The following NELL1 variants were observed in gnomAD, a reference collection of about 807,000 sequenced individuals.
The protein encoded by NELL1 is protein kinase C-binding protein NELL1.
NELL1 carries 76 observed loss-of-function variants against 107.4 expected under a neutral mutation model. That is an observed-to-expected ratio of 0.71 (90% CI 0.59 to 0.86). NELL1 has a LOEUF of 0.86. Ranked by LOEUF, NELL1 falls within the 40% of genes least tolerant of loss-of-function variation. The probability of loss-of-function intolerance (pLI) is 0.00; values close to 1 mark genes in which losing one functional copy is unlikely to be tolerated. For missense variants in NELL1, 1,024 were observed against 1,005.5 expected, an observed-to-expected ratio of 1.02 and a Z score of -0.25; for synonymous variants, 353 against 341.2, an observed-to-expected ratio of 1.03 and a Z score of -0.38.
chr11:20,913,060 T>C (rs983923561), intron 5 of NELL1, among the ~76,000 whole-genome samples: 2 of 152,174 alleles, frequency 1.3e-5, no homozygotes, highest in Non-Finnish European at 2.9e-5. Flanking sequence ...CATGCTGGAA[T>C]ATTTTATTAA....
chr11:21,226,740 G>T (rs1179105254), intron 13 of NELL1, among the ~76,000 whole-genome samples: 1 of 152,128 alleles, frequency 6.6e-6, no homozygotes, highest in Non-Finnish European at 1.5e-5. Context: ...TGCCTCCAAA[G>T]AGGTAAAGAT....
chr11:20,851,315 C>T (rs1055671134), intron 4 of NELL1, among the ~76,000 whole-genome samples: 3 of 152,146 alleles, frequency 2.0e-5, no homozygotes, highest in South Asian at 2.1e-4. Context: ...CTGCTTGCTA[C>T]GGAGACACTT....
In NELL1 at chr11:20,818,938, A is replaced by G. The variant is rs574439537; in HGVS notation, c.336-28645A>G. Among the ~76,000 whole-genome samples the G allele has an allele frequency of 3.3e-5, 5 of 152,306 alleles. No individual in the cohort carries two copies. The South Asian group carries it at 1.0e-3, about 32-fold the overall frequency. ...TTTAATCTGTACAAAACAGTAAGGT[A>G]TTATTACCCTCGCATCACAGATGAG... is the stretch of plus-strand genomic sequence containing the variant. On this transcript the variant is annotated intron_variant, in intron 3 of 19. Transcript: ENST00000357134.
At chr11:21,271,144 G>C (rs1268007414) in intron 14 of NELL1, among the ~76,000 whole-genome samples, 2 of 151,852 alleles carry the variant, frequency 1.3e-5, no homozygotes, top group Non-Finnish European at 2.9e-5. Flanking sequence ...ATAAAAATTA[G>C]TGCCAAAATC....
chr11:20,885,816 C>A (rs1434460148), intron 5 of NELL1, among the ~76,000 whole-genome samples: 1 of 152,170 alleles, frequency 6.6e-6, no homozygotes, highest in Non-Finnish European at 1.5e-5. Flanking sequence ...CACTCTGCTG[C>A]CAGGGATGGA....
intron 3 of NELL1, among the ~76,000 whole-genome samples, chr11:20,798,597 G>C (rs80340328): frequency 0.02 from 2,980 of 152,256 alleles, 101 homozygotes; most frequent in African/African-American, 0.068. Context: ...GTTCTGTGGT[G>C]AGAAATGTGG....
intron 7 of NELL1, among the ~76,000 whole-genome samples, chr11:20,919,763 GA>G (rs1174320213): frequency 2.0e-5 from 3 of 152,134 alleles, no homozygotes; most frequent in Non-Finnish European, 4.4e-5. Flanking sequence ...ACTGTCAAAA[GA>G]AGGCATTATA....
chr11:21,208,823 G>A (rs1857441055), intron 13 of NELL1, among the ~76,000 whole-genome samples: 1 of 152,114 alleles, frequency 6.6e-6, no homozygotes, highest in South Asian at 2.1e-4. Context: ...TCTTAAAGTG[G>A]TTTACAGCCA....
chr11:20,932,777 C>G (rs1000175324), intron 9 of NELL1, among the ~76,000 whole-genome samples: 3 of 152,178 alleles, frequency 2.0e-5, no homozygotes, highest in Non-Finnish European at 1.5e-5. Flanking sequence ...GTGGGATGCT[C>G]TTGACCTGTT....
chr11:21,265,932 A>G (rs749341370), intron 14 of NELL1, among the ~76,000 whole-genome samples: 4 of 151,958 alleles, frequency 2.6e-5, no homozygotes, highest in Admixed American at 2.6e-4. Context: ...TTTTTGGTCA[A>G]TATTTTTCTA....
intron 6 of NELL1, among the ~76,000 whole-genome samples, chr11:20,918,936 T>C (rs1034320224): frequency 4.6e-5 from 7 of 152,052 alleles, no homozygotes; most frequent in Non-Finnish European, 8.8e-5. Context: ...GAGAGTTTAC[T>C]TTTTCTTCTT....
chr11:21,093,241 G>A (rs530831913), intron 12 of NELL1, among the ~76,000 whole-genome samples: 1 of 152,274 alleles, frequency 6.6e-6, no homozygotes, highest in African/African-American at 2.4e-5. Context: ...TGAAGCCAGG[G>A]CCCCAGACTG....
rs1250586731 is a variant in NELL1 at position 21,208,796 on chromosome 11, T to C, written c.1427-20536T>C. On this transcript the variant is annotated intron_variant, in intron 13 of 19. Coordinates refer to ENST00000357134, the MANE Select transcript of NELL1 (RefSeq NM_006157.5). ...GAAGTAGTTATAGCCCGAAGAAAGA[T>C]TTAAGAATCTATAAGCTCTTAAAGT... Among the ~76,000 whole-genome samples the C allele has an allele frequency of 3.3e-5, 5 of 149,298 alleles. 1 individual carries two copies. The highest frequency in any genetic ancestry group is 7.4e-5 in the Non-Finnish European group (5 of 68,022).
intron 13 of NELL1, among the ~76,000 whole-genome samples, chr11:21,162,437 G>T (rs2133801852): frequency 6.6e-6 from 1 of 152,270 alleles, no homozygotes; most frequent in East Asian, 1.9e-4. Flanking sequence ...TAGTTAACTA[G>T]ATTAACGTAT....
chr11:20,715,015 G>T lies in NELL1; in HGVS notation c.184+36955G>T, dbSNP rs186098149. Among the ~76,000 whole-genome samples, 74 of 152,172 alleles carry T rather than the reference G, an allele frequency of 4.9e-4. No homozygotes were observed. The South Asian group carries it at 0.013, about 27-fold the overall frequency. On this transcript the variant is annotated intron_variant, in intron 2 of 19. Coordinates refer to ENST00000357134, the MANE Select transcript of NELL1 (RefSeq NM_006157.5). The stretch of plus-strand genomic sequence containing the variant: ...TCCCAGTACTTCGGGAGGCCAAGGC[G>T]GGCGGATCACGAGGTCAGGAGATCG...
chr11:21,432,108 G>T (rs553392588), intron 15 of NELL1, among the ~76,000 whole-genome samples: 142 of 152,152 alleles, frequency 9.3e-4, no homozygotes, highest in Non-Finnish European at 1.4e-3. Flanking sequence ...TTTAGTTCTG[G>T]CTCAAGTGGA....
chr11:20,905,190 A>G (rs1342188361), intron 5 of NELL1, among the ~76,000 whole-genome samples: 1 of 152,042 alleles, frequency 6.6e-6, no homozygotes. Flanking sequence ...GTTACTACAC[A>G]TGACTAGAAA....
At chr11:21,199,935 C>T (rs188619525) in intron 13 of NELL1, among the ~76,000 whole-genome samples, 59 of 152,072 alleles carry the variant, frequency 3.9e-4, no homozygotes, top group African/African-American at 1.3e-3. Context: ...CTGAGAATGA[C>T]GGTTTACAGC....
intron 3 of NELL1, among the ~76,000 whole-genome samples, chr11:20,800,611 C>T (rs1857263246): frequency 6.6e-6 from 1 of 152,242 alleles, no homozygotes; most frequent in Non-Finnish European, 1.5e-5. Context: ...CTGTTAGATG[C>T]AGAGTTTGTG....
Sources: gnomAD v4.1 joint callset for allele counts (sites outside exome capture counted in the v4.1 genomes callset) on GRCh38, gnomAD v4.1.1 for gene constraint, MANE v1.5 for transcripts, NCBI Gene and HGNC (gene_info 2026-07-23, HGNC 2026-07-21) for gene names.